SMARCAL1: variants seen among roughly 807,000 people sequenced by gnomAD.
SMARCAL1 encodes ATP-driven annealing helicase.
Under a neutral mutation model 94.5 loss-of-function variants are expected in SMARCAL1, and 58 were observed. That is an observed-to-expected ratio of 0.61 (90% confidence interval 0.50 to 0.76). SMARCAL1 has a LOEUF of 0.76. SMARCAL1 is among the 30% of genes least tolerant of loss of function. The pLI is 0.00. For missense variants in SMARCAL1, 1,051 were observed against 1,177.9 expected (o/e 0.89, Z 1.58); for synonymous variants, 422 against 455.1 (o/e 0.93, Z 0.93).
rs1257446247 is a variant in SMARCAL1 at position 216,474,118 on chromosome 2, G to A, written c.2245-1151G>A. On this transcript the variant is annotated intron_variant, in intron 14 of 17. Transcript: ENST00000357276. ...ATGCTGTGCAATTTATATAACATTT[G>A]TATAGCATTCTTTTTTTTTTTTTTT... Among the ~76,000 whole-genome samples, 4 of 126,958 alleles carry A rather than the reference G, an allele frequency of 3.2e-5. No homozygotes were observed. The East Asian group carries it at 1.0e-3, about 32-fold the overall frequency. 83.3% of individuals were successfully genotyped at this position (126,958 alleles called of 152,430 possible).
At chr2:216,481,755 T>C (rs553332040) in intron 17 of SMARCAL1, among the ~76,000 whole-genome samples, 2 of 152,218 alleles carry the variant, frequency 1.3e-5, no homozygotes, top group Non-Finnish European at 2.9e-5. Flanking sequence ...TCCATCCGCC[T>C]CGGCCTCCTA....
chr2:216,478,484 G>T (rs1276070681), intron 17 of SMARCAL1, among the ~76,000 whole-genome samples, 185 bp downstream of exon 17: 1 of 152,172 alleles, frequency 6.6e-6, no homozygotes, highest in East Asian at 1.9e-4. Context: ...ATGGGGAAAT[G>T]ATGGCATTAG....
In SMARCAL1 at chr2:216,468,045, A is replaced by T. The variant is rs369634860; in HGVS notation, c.2243A>T (p.Lys748Met). 1.9e-6 allele frequency: 3 copies of T among 1,607,690 alleles called. No individual in the cohort carries two copies. Among genetic ancestry groups the T allele is most frequent in the Non-Finnish European group, 2.6e-6 (3 of 1,174,128 alleles). Residue 748 changes from lysine to methionine, a missense_variant and splice_region_variant, in exon 14 of 18, where the codon AAG becomes ATG. Physicochemically the swap from Lys to Met is moderately conservative, Grantham distance 95. Transcript: ENST00000357276. ...GCAATTACGCAAGAGCTTGAGAGAA[A>T]GGTGAGCTCCCTTTGAAATTCACCA... ...LDAITQELERKHVQHIRIDGS... is the reference protein window; with the variant it reads ...LDAITQELERMHVQHIRIDGS...
intron 14 of SMARCAL1, among the ~76,000 whole-genome samples, 177 bp downstream of exon 14, chr2:216,468,223 G>C (rs1694876602): frequency 6.6e-6 from 1 of 152,174 alleles, no homozygotes; most frequent in Non-Finnish European, 1.5e-5. Context: ...TGTTTCCCCA[G>C]CCATGTCATT....
chr2:216,415,610 A>C, intron 3 of SMARCAL1, 95 bp downstream of exon 3: 1 of 1,135,254 alleles, frequency 8.8e-7, no homozygotes, highest in South Asian at 1.3e-5. Context: ...AAGAGAGTGC[A>C]TTGGCACATG....
chr2:216,415,696 C>T (rs1343885905), intron 3 of SMARCAL1, among the ~76,000 whole-genome samples, 181 bp downstream of exon 3: 1 of 152,188 alleles, frequency 6.6e-6, no homozygotes, highest in African/African-American at 2.4e-5. Context: ...TAAACAGCTG[C>T]CAAACTTGAT....
chr2:216,427,865 T>C (rs1249514890), intron 6 of SMARCAL1, among the ~76,000 whole-genome samples: 2 of 152,198 alleles, frequency 1.3e-5, no homozygotes, highest in African/African-American at 2.4e-5. Context: ...TGATCACACA[T>C]GTTTTATGTA....
chr2:216,481,356 G>A (rs1053336018), intron 17 of SMARCAL1, among the ~76,000 whole-genome samples: 2 of 151,666 alleles, frequency 1.3e-5, no homozygotes, highest in Admixed American at 6.6e-5. Flanking sequence ...GCCAACACCC[G>A]GCCAATTTTC....
chr2:216,450,812 C>T, intron 11 of SMARCAL1, 34 bp from the exon 12 acceptor site: 1 of 1,568,326 alleles, frequency 6.4e-7, no homozygotes, highest in African/African-American at 1.3e-5. Context: ...CTGAAAGGAG[C>T]CTCATGGGGC....
At position 216,467,975 on chromosome 2, in the gene SMARCAL1, A is replaced by G; in HGVS notation, c.2173A>G (p.Arg725Gly). ...EYILDLLESGREKFLVFAHHK... is the reference protein window; with the variant it reads ...EYILDLLESGGEKFLVFAHHK... ...TATCTTGGACCTACTGGAAAGTGGA[A>G]GAGAGAAGTTTTTAGTATTTGCACA... Residue 725 changes from arginine to glycine, a missense_variant, in exon 14 of 18, where the codon AGA becomes GGA. Coordinates refer to ENST00000357276, the MANE Select transcript of SMARCAL1 (RefSeq NM_014140.4). 6.2e-7 allele frequency: 1 copy of G among 1,613,456 alleles called. No homozygotes were observed. The highest frequency in any genetic ancestry group is 2.2e-5 in the East Asian group (1 of 44,876).
Position 216,415,293 on chromosome 2 carries a change from G to T in SMARCAL1, c.589G>T (p.Ala197Ser). The change falls in exon 3 of 18, where the codon GCC becomes TCC. Residue 197 changes from alanine to serine, a missense_variant. By Grantham distance (99) the Ala-to-Ser change is moderately conservative. Coordinates refer to ENST00000357276, the MANE Select transcript of SMARCAL1 (RefSeq NM_014140.4). ...DAKLEAKTAKASPSGQNISYI... is the reference protein window; with the variant it reads ...DAKLEAKTAKSSPSGQNISYI... ...TAAGTTAGAGGCCAAGACAGCAAAA[G>T]CCTCCCCTTCGGGGCAGAACATTTC... 6.2e-7 allele frequency: 1 copy of T among 1,614,222 alleles called. No homozygotes were observed. The highest frequency in any genetic ancestry group is 8.5e-7 in the Non-Finnish European group (1 of 1,180,034).
chr2:216,417,865 G>A (rs528497397), intron 4 of SMARCAL1, among the ~76,000 whole-genome samples: 30 of 152,288 alleles, frequency 2.0e-4, no homozygotes, highest in African/African-American at 7.0e-4. Flanking sequence ...TGACCACGGT[G>A]CATGGTGACT....
chr2:216,450,328 C>A (rs1694420583), intron 11 of SMARCAL1, among the ~76,000 whole-genome samples: 1 of 152,220 alleles, frequency 6.6e-6, no homozygotes, highest in Non-Finnish European at 1.5e-5. Flanking sequence ...AACAACACTG[C>A]AGTTACTTTT....
chr2:216,428,736 C>A lies in SMARCAL1; in HGVS notation c.1288C>A (p.Pro430Thr). The A allele has an allele frequency of 2.5e-6, 4 of 1,614,182 alleles. No individual in the cohort carries two copies. Among genetic ancestry groups the A allele is most frequent in the Non-Finnish European group, 8.5e-7 (1 of 1,180,020 alleles). ...AGAGGCAGACCTTTCTGAAGTGGAC[C>A]CCAAGCTCGTGTCTAATCTGATGCC... ...VPEADLSEVD[P>T]KLVSNLMPFQ... Residue 430 changes from proline (P) to threonine (T), a missense_variant, in exon 7 of 18, where the codon CCC becomes ACC. Pro to Thr is a conservative substitution (Grantham distance 38). This residue lies in a region of SMARCAL1 where 642 missense variants were observed against 754.7 expected (regional missense o/e 0.85). Coordinates refer to ENST00000357276, the MANE Select transcript of SMARCAL1 (RefSeq NM_014140.4).
In SMARCAL1 at chr2:216,482,206, A is replaced by G. The variant is rs1184063822; in HGVS notation, c.2626-532A>G. Among the ~76,000 whole-genome samples, 1 of 152,176 alleles carries G rather than the reference A, an allele frequency of 6.6e-6. No homozygotes were observed. Among genetic ancestry groups the G allele is most frequent in the Non-Finnish European group, 1.5e-5 (1 of 68,024 alleles). ...GGTGGCTCACACCTGTAATCCCAACATTTTGGGTAGCTGAGGTGGGCAGAT... is the reference window on the plus strand; with the variant it reads ...GGTGGCTCACACCTGTAATCCCAACGTTTTGGGTAGCTGAGGTGGGCAGAT... On this transcript the variant is annotated intron_variant, in intron 17 of 17. Transcript: ENST00000357276. The surrounding 1 kb of genome is among the most constrained non-coding windows in gnomAD (Gnocchi z 4.3).
intron 5 of SMARCAL1, 124 bp downstream of exon 5, chr2:216,420,656 C>T (rs1467625851): frequency 7.9e-6 from 6 of 764,146 alleles, no homozygotes; most frequent in Admixed American, 6.0e-5. Flanking sequence ...CTGTTCTGCT[C>T]CTCTTCCTAT....
At chr2:216,468,232 T>C (rs1327907052) in intron 14 of SMARCAL1, among the ~76,000 whole-genome samples, 186 bp downstream of exon 14, 5 of 152,210 alleles carry the variant, frequency 3.3e-5, no homozygotes, top group African/African-American at 1.2e-4. Flanking sequence ...AGCCATGTCA[T>C]TTTAACTTCC....
chr2:216,470,565 G>A (rs981366393), intron 14 of SMARCAL1, among the ~76,000 whole-genome samples: 1 of 150,170 alleles, frequency 6.7e-6, no homozygotes, highest in African/African-American at 2.5e-5. Context: ...GCTGCTCACT[G>A]AAGCCTAAAC....
intron 8 of SMARCAL1, 74 bp from the exon 9 acceptor site, chr2:216,435,264 G>A: frequency 6.6e-7 from 1 of 1,514,834 alleles, no homozygotes; most frequent in African/African-American, 1.4e-5. Context: ...ATGGGCATGA[G>A]ACTGCTGCTG....
Sources: allele counts gnomAD v4.1 joint callset (sites outside exome capture counted in the v4.1 genomes callset), GRCh38; gene constraint gnomAD v4.1.1; regional missense constraint gnomAD v4.1.1; non-coding constraint Gnocchi (gnomAD v3.1); transcripts MANE v1.5; gene names NCBI Gene and HGNC (gene_info 2026-07-23, HGNC 2026-07-21).